The following GPC5 variants were observed in gnomAD, a reference collection of about 807,000 sequenced individuals.
GPC5 encodes the protein glypican-5.
Under a neutral mutation model 53.9 loss-of-function variants are expected in GPC5, and 47 were observed. That is an observed-to-expected ratio of 0.87 (90% CI 0.69 to 1.11). GPC5 has a LOEUF of 1.11. Among genes scored for constraint, GPC5 ranks in the 50% most tolerant of loss-of-function variants. The probability of loss-of-function intolerance (pLI) is 0.00; values close to 1 mark genes in which losing one functional copy is unlikely to be tolerated. For missense variants in GPC5, 748 were observed against 713.1 expected, an observed-to-expected ratio of 1.05 and a Z score of -0.56; for synonymous variants, 286 against 263.3, an observed-to-expected ratio of 1.09 and a Z score of -0.84.
intron 5 of GPC5, among the ~76,000 whole-genome samples, chr13:91,770,125 T>C (rs928826817): frequency 2.0e-5 from 3 of 152,100 alleles, no homozygotes; most frequent in African/African-American, 4.8e-5. Context: ...TTTACCTGTG[T>C]TTACTCTTTT....
intron 7 of GPC5, among the ~76,000 whole-genome samples, chr13:92,602,769 C>T (rs1329543710): frequency 6.6e-6 from 1 of 152,070 alleles, no homozygotes; most frequent in Non-Finnish European, 1.5e-5. Context: ...AAAAGAATTG[C>T]TGTGTTGGAC....
intron 7 of GPC5, among the ~76,000 whole-genome samples, chr13:92,498,563 A>G (rs1325117963): frequency 1.3e-5 from 2 of 151,952 alleles, no homozygotes; most frequent in African/African-American, 2.4e-5. Context: ...ACCAATTATT[A>G]TTTTAGAGGG....
At chr13:91,632,744 CT>C (rs2034190798) in intron 2 of GPC5, among the ~76,000 whole-genome samples, 1 of 152,128 alleles carries the variant, frequency 6.6e-6, no homozygotes, top group African/African-American at 2.4e-5. Flanking sequence ...GAAATGCTGC[CT>C]AACTTCTAAA....
intron 7 of GPC5, among the ~76,000 whole-genome samples, chr13:92,681,702 C>T (rs1455229851): frequency 6.6e-6 from 1 of 152,210 alleles, no homozygotes; most frequent in African/African-American, 2.4e-5. Context: ...ACCAAATACT[C>T]CACCCCTTGT....
rs139704078 is a variant in GPC5 at position 91,905,303 on chromosome 13, C to G, written c.1281-2634C>G. ...TTACTCTCTTTCTCTCTCTATCTCTCTCTATATATTTATTTATATATATGA... is the reference window on the plus strand; with the variant it reads ...TTACTCTCTTTCTCTCTCTATCTCTGTCTATATATTTATTTATATATATGA... On this transcript the variant is annotated intron_variant, in intron 5 of 7. Coordinates refer to ENST00000377067, the MANE Select transcript of GPC5 (RefSeq NM_004466.6). Among the ~76,000 whole-genome samples the G allele has an allele frequency of 2.2e-3, 339 of 151,772 alleles. 1 individual carries two copies. Among genetic ancestry groups the G allele is most frequent in the African/African-American group, 7.8e-3 (325 of 41,420 alleles).
intron 7 of GPC5, among the ~76,000 whole-genome samples, chr13:92,219,239 G>A (rs1014880361): frequency 5.3e-5 from 8 of 152,094 alleles, no homozygotes; most frequent in African/African-American, 1.9e-4. Context: ...TCTTCTGAAT[G>A]TTTTTGTTTC....
chr13:91,853,639 A>G (rs1282282619), intron 5 of GPC5, among the ~76,000 whole-genome samples: 1 of 151,970 alleles, frequency 6.6e-6, no homozygotes, highest in Non-Finnish European at 1.5e-5. Context: ...CTGAATGATG[A>G]GTGTGCTTTC....
intron 7 of GPC5, among the ~76,000 whole-genome samples, chr13:92,356,862 C>T (rs557202169): frequency 1.3e-5 from 2 of 152,274 alleles, no homozygotes; most frequent in East Asian, 3.9e-4. Context: ...CTTCCTCCTC[C>T]CCACTCCACC....
intron 7 of GPC5, among the ~76,000 whole-genome samples, chr13:92,759,670 T>C (rs1875077860): frequency 6.6e-6 from 1 of 152,106 alleles, no homozygotes; most frequent in African/African-American, 2.4e-5. Flanking sequence ...TACAGATACT[T>C]TTATTTTTCC....
chr13:92,166,944 TCTCTCTCTCTCTCACACA>T (rs750398470), intron 7 of GPC5, among the ~76,000 whole-genome samples: 57 of 130,670 alleles, frequency 4.4e-4, no homozygotes, highest in African/African-American at 1.3e-3. Context: ...TCTCTCTCTC[TCTCTCTCTCTCTCACACA>T]CACACACACA....
At chr13:91,559,287 C>T (rs2031127497) in intron 2 of GPC5, among the ~76,000 whole-genome samples, 1 of 152,074 alleles carries the variant, frequency 6.6e-6, no homozygotes, top group African/African-American at 2.4e-5. Context: ...ATTATAGCAG[C>T]AATGATGGCT....
At chr13:92,843,961 G>T (rs1428611948) in intron 7 of GPC5, among the ~76,000 whole-genome samples, 2 of 151,270 alleles carry the variant, frequency 1.3e-5, no homozygotes. Flanking sequence ...GCCCCTGGCT[G>T]TTAGGCAGTA....
intron 7 of GPC5, among the ~76,000 whole-genome samples, chr13:92,297,713 C>T (rs768236537): frequency 1.1e-4 from 17 of 152,096 alleles, no homozygotes; most frequent in Non-Finnish European, 2.4e-4. Flanking sequence ...TCGGCTCTAC[C>T]AATCAGCAGG....
intron 7 of GPC5, among the ~76,000 whole-genome samples, chr13:92,532,267 TCAAA>T (rs753901506): frequency 1.8e-4 from 27 of 152,082 alleles, no homozygotes; most frequent in Non-Finnish European, 3.2e-4. Context: ...TACACATAAC[TCAAA>T]CATTCATTCA....
intron 5 of GPC5, among the ~76,000 whole-genome samples, chr13:91,761,057 G>T (rs931769737): frequency 1.3e-5 from 2 of 152,024 alleles, no homozygotes; most frequent in East Asian, 1.9e-4. Flanking sequence ...TCTCTGAAAG[G>T]CATGTTAGTC....
intron 2 of GPC5, among the ~76,000 whole-genome samples, chr13:91,547,045 A>C (rs1178453631): frequency 6.6e-6 from 1 of 152,060 alleles, no homozygotes; most frequent in Non-Finnish European, 1.5e-5. Context: ...GAAAGAATGA[A>C]TCATAGGTTC....
intron 7 of GPC5, among the ~76,000 whole-genome samples, chr13:92,593,746 G>A (rs551481282): frequency 3.5e-4 from 54 of 152,248 alleles, no homozygotes; most frequent in African/African-American, 1.3e-3. Flanking sequence ...TGTCTAAGAA[G>A]TCAAAGAAAG....
intron 7 of GPC5, among the ~76,000 whole-genome samples, chr13:92,527,182 G>GAAGA (rs1168907594): frequency 0.014 from 642 of 45,086 alleles, 42 homozygotes; most frequent in Non-Finnish European, 0.021. Context: ...GAGAAAGAAA[G>GAAGA]AAGAAAGAAA....
intron 5 of GPC5, among the ~76,000 whole-genome samples, chr13:91,760,061 G>T (rs2037377373): frequency 6.6e-6 from 1 of 151,950 alleles, no homozygotes; most frequent in South Asian, 2.1e-4. Flanking sequence ...AATGAAAACA[G>T]GTGTTAAAGT....
Sources: gnomAD v4.1 joint callset for allele counts (sites outside exome capture counted in the v4.1 genomes callset) on GRCh38, gnomAD v4.1.1 for gene constraint, MANE v1.5 for transcripts, NCBI Gene and HGNC (gene_info 2026-07-23, HGNC 2026-07-21) for gene names.